Variants in MAP4 observed in about 807,000 individuals in gnomAD.
MAP4 encodes microtubule associated protein 4.
Under a neutral mutation model 170.2 loss-of-function variants are expected in MAP4, and 76 were observed. That is an observed-to-expected ratio of 0.45 (90% CI 0.37 to 0.54). MAP4 has a LOEUF of 0.54. MAP4 is among the 20% of genes least tolerant of loss of function. The probability of loss-of-function intolerance (pLI) is 0.00; values close to 1 mark genes in which losing one functional copy is unlikely to be tolerated. For synonymous variants in MAP4, 909 were observed against 994.5 expected, an observed-to-expected ratio of 0.91 and a Z score of 1.62; for missense variants, 2,506 against 2,748.0, an observed-to-expected ratio of 0.91 and a Z score of 1.97.
chr3:47,989,366 TTAAGC>T, intron 2 of MAP4, among the ~76,000 whole-genome samples: 1 of 152,380 alleles, frequency 6.6e-6, no homozygotes, highest in South Asian at 2.1e-4. Flanking sequence ...TTTCTAATAC[TTAAGC>T]TTCACCTGGG....
chr3:47,912,262 G>C lies in MAP4; in HGVS notation c.2159C>G (p.Ser720Cys), dbSNP rs1217692288. 20 of 1,535,996 alleles carry C rather than the reference G, an allele frequency of 1.3e-5. No individual in the cohort carries two copies. Among genetic ancestry groups the C allele is most frequent in the Non-Finnish European group, 1.7e-5 (19 of 1,146,918 alleles). The change falls in exon 9 of 21, where the codon TCT (serine) becomes TGT (cysteine). Residue 720 changes from serine (S) to cysteine (C), a missense_variant. Coordinates refer to ENST00000683076, the MANE Select transcript of MAP4 (RefSeq NM_001385682.1). ...AGAGACCCAACCTGACTCAGACAAAGAGCAGTGGCCCAGCCTGTGATCAAG... is the reference window on the plus strand; with the variant it reads ...AGAGACCCAACCTGACTCAGACAAACAGCAGTGGCCCAGCCTGTGATCAAG... ...KTLDHRLGHC[S>C]LSESGWVSGS...
At chr3:47,887,152 T>C (rs2097728774) in intron 10 of MAP4, among the ~76,000 whole-genome samples, 1 of 152,346 alleles carries the variant, frequency 6.6e-6, no homozygotes. Flanking sequence ...GGACCCCCTT[T>C]CTGGGCTGGC....
At chr3:48,035,708 G>A (rs149261494) in intron 1 of MAP4, among the ~76,000 whole-genome samples, 50 of 152,258 alleles carry the variant, frequency 3.3e-4, no homozygotes, top group Non-Finnish European at 6.0e-4. Flanking sequence ...GGGAGGCCAA[G>A]GCAGGAGGAG....
At chr3:47,994,948 C>CAAA (rs765432631) in intron 2 of MAP4, among the ~76,000 whole-genome samples, 1 of 84,418 alleles carries the variant, frequency 1.2e-5, no homozygotes, top group Admixed American at 1.4e-4. Flanking sequence ...GACTCCATCT[C>CAAA]AAAAAAAAAA....
chr3:48,016,929 C>T (rs183189323), upstream of MAP4, among the ~76,000 whole-genome samples: 2 of 152,232 alleles, frequency 1.3e-5, no homozygotes, highest in African/African-American at 2.4e-5. Context: ...GGCATGCACA[C>T]CACCATGCCT....
At chr3:47,963,978 G>A (rs888539282) in intron 3 of MAP4, among the ~76,000 whole-genome samples, 2 of 152,224 alleles carry the variant, frequency 1.3e-5, no homozygotes, top group Admixed American at 6.5e-5. Flanking sequence ...AGAGAAAACT[G>A]CTAGTGCTCA....
At chr3:48,061,901 C>CA (rs1356444155) in intron 1 of MAP4, among the ~76,000 whole-genome samples, 1 of 139,790 alleles carries the variant, frequency 7.2e-6, no homozygotes, top group East Asian at 2.1e-4. Context: ...TCCGCCCGGC[C>CA]GCCACCCCGT....
At chr3:47,917,273 T>G (rs905419745) in intron 6 of MAP4, 99 bp from the exon 7 acceptor site, 1 of 937,688 alleles carries the variant, frequency 1.1e-6, no homozygotes, top group Non-Finnish European at 1.6e-6. Flanking sequence ...TTTGTGACCA[T>G]AAGACTGTAC....
chr3:47,987,549 C>T, intron 2 of MAP4: 2 of 593,418 alleles, frequency 3.4e-6, no homozygotes, highest in Admixed American at 3.2e-5. Flanking sequence ...CATCAACCTC[C>T]AGCCCAGAAC....
At chr3:47,929,716 A>G (rs1463708555) in intron 3 of MAP4, among the ~76,000 whole-genome samples, 1 of 151,544 alleles carries the variant, frequency 6.6e-6, no homozygotes, top group Non-Finnish European at 1.5e-5. Context: ...ACAGGAAAAA[A>G]TCTTTGTGAC....
Position 47,930,471 on chromosome 3 carries a change from C to CA in MAP4, c.293-2122dup, listed in dbSNP as rs200513183. Among the ~76,000 whole-genome samples the CA allele has an allele frequency of 3.0e-3, 417 of 137,856 alleles. No homozygotes were observed. The Middle Eastern group carries it at 0.031, about 10-fold the overall frequency. The allele number at this position is 137,856 out of a possible 152,430, so 90.4% of individuals were successfully genotyped here. A position where few individuals can be genotyped will look rare whatever the true frequency, so the allele number is the denominator to read the frequency against. On this transcript the variant is annotated intron_variant, in intron 3 of 20. Coordinates refer to ENST00000683076, the MANE Select transcript of MAP4 (RefSeq NM_001385682.1). ...CGTCTCAAAAAAAAAAACAAACAAA[C>CA]AAACAAAAAAAACAAAAGACAACAA...
At chr3:47,970,975 C>T (rs546726479) in intron 3 of MAP4, among the ~76,000 whole-genome samples, 1 of 152,236 alleles carries the variant, frequency 6.6e-6, no homozygotes, top group South Asian at 2.1e-4. Flanking sequence ...GATTGTAGTC[C>T]ATGAGCTGGT....
intron 2 of MAP4, among the ~76,000 whole-genome samples, chr3:47,994,610 G>A (rs1470761431): frequency 6.6e-6 from 1 of 152,182 alleles, no homozygotes; most frequent in East Asian, 1.9e-4. Flanking sequence ...CCAAGAGGAG[G>A]AAAGTTTTTA....
chr3:48,060,773 C>CA lies in MAP4; in HGVS notation c.-20+27999dup, dbSNP rs2100134772. On this transcript the variant is annotated intron_variant, in intron 1 of 18. Coordinates refer to the MAP4 transcript ENST00000360240. The stretch of plus-strand genomic sequence containing the variant: ...TACAAAAAAAAAAATAATAATAATA[C>CA]AAAAAAAATGTAGCCAGTCTTACAA... Among the ~76,000 whole-genome samples the CA allele has an allele frequency of 2.0e-5, 3 of 151,380 alleles. No homozygotes were observed. In the East Asian group the frequency reaches 5.8e-4, roughly 29 times the overall value.
In MAP4 at chr3:47,852,180, T is replaced by C. The variant is rs1466117499; in HGVS notation, c.*754A>G. ...TCTCCGCCCTGTTCCCTCTAACACT[T>C]ACTGAGGACTTTCATGTAGACATGG... is the stretch of plus-strand genomic sequence containing the variant. On this transcript the variant is annotated 3_prime_UTR_variant, in exon 21 of 21. Coordinates refer to ENST00000683076, the MANE Select transcript of MAP4 (RefSeq NM_001385682.1). 6.6e-6 allele frequency: 1 copy of C among 152,632 alleles called. No individual in the cohort carries two copies. The highest frequency in any genetic ancestry group is 2.4e-5 in the African/African-American group (1 of 41,398). 9.5% of individuals were successfully genotyped at this position (152,632 alleles called of 1,614,324 possible). A position where few individuals can be genotyped will look rare whatever the true frequency, so the allele number is the denominator to read the frequency against.
chr3:47,870,922 G>A lies in MAP4; in HGVS notation c.6185C>T (p.Thr2062Ile), dbSNP rs778861861. 1.2e-5 allele frequency: 20 copies of A among 1,613,998 alleles called. No individual in the cohort carries two copies. In the African/African-American group the frequency reaches 2.1e-4, roughly 17 times the overall value. Residue 2062 changes from threonine (T) to isoleucine (I), a missense_variant, in exon 15 of 21, where the codon ACC (threonine) becomes ATC (isoleucine). Physicochemically the swap from Thr to Ile is moderately conservative, Grantham distance 89 (BLOSUM62 -1). Coordinates refer to ENST00000683076, the MANE Select transcript of MAP4 (RefSeq NM_001385682.1). The stretch of plus-strand genomic sequence containing the variant: ...GGTGGCCAGGCGGCTGAGCCGGGGG[G>A]TGGTGGAGCTGGGTTTGGCCGAGGT... ...KPTSAKPSST[T>I]PRLSRLATNT...
chr3:47,952,160 C>A (rs1414568277), intron 3 of MAP4, among the ~76,000 whole-genome samples: 3 of 151,800 alleles, frequency 2.0e-5, no homozygotes, highest in Admixed American at 1.3e-4. Context: ...CCGGCAGCCA[C>A]CCCGTCTGGG....
Position 48,079,792 on chromosome 3 carries a change from T to C in MAP4, c.-20+8981A>G, listed in dbSNP as rs185282828. Among the ~76,000 whole-genome samples, 168 of 151,492 alleles carry C rather than the reference T, an allele frequency of 1.1e-3. 1 individual carries two copies. The highest frequency in any genetic ancestry group is 2.3e-3 in the South Asian group (11 of 4,790). ...AGTGAAACACCGTCTCTACTAATAATACAAAAAATTAGCTGGGCACGGTGG... is the reference window on the plus strand; with the variant it reads ...AGTGAAACACCGTCTCTACTAATAACACAAAAAATTAGCTGGGCACGGTGG... On this transcript the variant is annotated intron_variant, in intron 1 of 18. Transcript: ENST00000360240.
At position 47,918,776 on chromosome 3, in the gene MAP4, G is replaced by A; in HGVS notation, c.595C>T (p.His199Tyr). 1 of 1,611,176 alleles carries A rather than the reference G, an allele frequency of 6.2e-7. No individual in the cohort carries two copies. ...TCTGGGGAAACAAAGGACTCTGAGT[G>A]TGGAGAGTTTAAGGCTTCCACAGAC... Reference protein sequence around the residue: ...GWSVEALNSPHSESFVSPEAV... With the variant: ...GWSVEALNSPYSESFVSPEAV... Residue 199 changes from histidine to tyrosine, a missense_variant, in exon 6 of 21, where the codon CAC (histidine) becomes TAC (tyrosine). Around this residue, in one of 3 missense-constraint regions of MAP4, gnomAD observed 2,008 missense variants for 2,206.0 expected, o/e 0.91. Coordinates refer to ENST00000683076, the MANE Select transcript of MAP4 (RefSeq NM_001385682.1).
Sources: gnomAD v4.1 joint callset for allele counts (sites outside exome capture counted in the v4.1 genomes callset) on GRCh38, gnomAD v4.1.1 for gene constraint, gnomAD v4.1.1 regional missense constraint, MANE v1.5 for transcripts, NCBI Gene and HGNC (gene_info 2026-07-23, HGNC 2026-07-21) for gene names.